Variants in DBX2 observed in about 807,000 individuals in gnomAD.
DBX2 encodes the protein homeobox protein DBX2.
A neutral mutation model predicts 17.7 loss-of-function variants in DBX2; 16 were observed. The ratio of observed to expected loss-of-function variants is 0.90; its 90% CI spans 0.61 to 1.37. The LOEUF is 1.37. DBX2 is among the 40% of genes most tolerant of loss of function. The pLI is 0.00. For synonymous variants in DBX2, 255 were observed against 183.8 expected, an observed-to-expected ratio of 1.39 and a Z score of -3.13; for missense variants, 538 against 433.8, an observed-to-expected ratio of 1.24 and a Z score of -2.13.
chr12:45,018,272 TTTG>T (rs1316440534), intron 3 of DBX2, among the ~76,000 whole-genome samples: 6 of 152,200 alleles, frequency 3.9e-5, no homozygotes, highest in African/African-American at 1.4e-4. Flanking sequence ...TGTCATCACA[TTTG>T]TTATTTCCTC....
At chr12:45,035,799 T>TC (rs1483528475) in intron 2 of DBX2, among the ~76,000 whole-genome samples, 1 of 152,160 alleles carries the variant, frequency 6.6e-6, no homozygotes, top group Non-Finnish European at 1.5e-5. Flanking sequence ...CGGTGATGTG[T>TC]CGGCCCTGGG....
At chr12:45,045,233 G>T (rs368691487) in intron 1 of DBX2, among the ~76,000 whole-genome samples, 1 of 152,074 alleles carries the variant, frequency 6.6e-6, no homozygotes, top group South Asian at 2.1e-4. Context: ...TATATATAAA[G>T]AAAAACTACT....
chr12:45,047,664 C>T (rs1212675181), intron 1 of DBX2, among the ~76,000 whole-genome samples: 4 of 152,214 alleles, frequency 2.6e-5, no homozygotes, highest in South Asian at 4.1e-4. Flanking sequence ...CCATTATGGG[C>T]TGAGGGGCAA....
chr12:45,034,461 C>A (rs555519947), intron 2 of DBX2, among the ~76,000 whole-genome samples: 2 of 152,190 alleles, frequency 1.3e-5, no homozygotes, highest in Non-Finnish European at 2.9e-5. Flanking sequence ...TCACAGGAGA[C>A]CACCTTGAAG....
intron 2 of DBX2, among the ~76,000 whole-genome samples, chr12:45,028,961 C>T (rs1052809272): frequency 2.6e-5 from 4 of 152,188 alleles, no homozygotes; most frequent in African/African-American, 9.7e-5. Context: ...ACCATTGATG[C>T]TCCTTCCCAT....
chr12:45,050,236 G>A (rs1052476057), intron 1 of DBX2, among the ~76,000 whole-genome samples: 1 of 152,292 alleles, frequency 6.6e-6, no homozygotes. Context: ...GAGTTTCCCA[G>A]TTAAGGCCAA....
At chr12:45,042,785 T>C (rs186236283) in intron 1 of DBX2, among the ~76,000 whole-genome samples, 1 of 152,162 alleles carries the variant, frequency 6.6e-6, no homozygotes, top group Non-Finnish European at 1.5e-5. Flanking sequence ...CAACAGGTGA[T>C]GACAAGCATT....
In DBX2 at chr12:45,031,225, T is replaced by TGAGA. The variant is rs72031074; in HGVS notation, c.499+4790_499+4793dup. 5.3e-3 allele frequency among the ~76,000 whole-genome samples: 451 copies of TGAGA among 85,584 alleles called. 1 individual carries two copies. Among genetic ancestry groups the TGAGA allele is most frequent in the Middle Eastern group, 0.015 (2 of 132 alleles). 56.1% of individuals were successfully genotyped at this position (85,584 alleles called of 152,430 possible). A position where few individuals can be genotyped will look rare whatever the true frequency, so the allele number is the denominator to read the frequency against. On this transcript the variant is annotated intron_variant, in intron 2 of 3. Coordinates refer to ENST00000332700, the MANE Select transcript of DBX2 (RefSeq NM_001004329.3). The stretch of plus-strand genomic sequence containing the variant: ...GTGTGTGTGTGTGTGTGTGTGTGTG[T>TGAGA]GAGAGAGAGAGAGAGAGAGAGAGAG...
intron 2 of DBX2, among the ~76,000 whole-genome samples, chr12:45,028,183 G>C (rs1946391280): frequency 6.6e-6 from 1 of 152,194 alleles, no homozygotes; most frequent in Admixed American, 6.5e-5. Context: ...CTGGATTGCA[G>C]GGTATGACTG....
At chr12:45,044,128 A>G (rs1279944924) in intron 1 of DBX2, among the ~76,000 whole-genome samples, 5 of 152,218 alleles carry the variant, frequency 3.3e-5, no homozygotes, top group Admixed American at 3.3e-4. Context: ...ATGCTTTGTG[A>G]GCTACACAGT....
chr12:45,017,236 T>C (rs1300799027), intron 3 of DBX2, among the ~76,000 whole-genome samples: 1 of 152,240 alleles, frequency 6.6e-6, no homozygotes, highest in Non-Finnish European at 1.5e-5. Flanking sequence ...AATTATTTAT[T>C]CAAAGGAAAT....
chr12:45,020,692 C>T (rs10689542), intron 3 of DBX2, among the ~76,000 whole-genome samples: 1,693 of 92,744 alleles, frequency 0.018, 28 homozygotes, highest in African/African-American at 0.057. Context: ...TATATATATA[C>T]ACACACACAC....
chr12:45,050,847 A>G lies in DBX2; in HGVS notation c.81T>C (p.Ala27=). The G allele has an allele frequency of 6.5e-7, 1 of 1,537,646 alleles. No individual in the cohort carries two copies. ...TGCCCAGGTTGCCAAAGCCGGGCGC[A>G]GCGGGGAGGTTGAGGAGCGCGGAGG... The part of the protein sequence containing the change: ...VASSALLNLP[A]APGFGNLGKS... Residue 27 remains alanine, a synonymous_variant, in exon 1 of 4, where the codon GCT becomes GCC. Coordinates refer to ENST00000332700, the MANE Select transcript of DBX2 (RefSeq NM_001004329.3).
rs1486666945 is a variant in DBX2, at chr12:45,016,168, A to C, written c.*118T>G. On this transcript the variant is annotated 3_prime_UTR_variant, in exon 4 of 4. Transcript: ENST00000332700. ...AGTGGGTTTCCTAAAGCATTAGTTC[A>C]TACATCGCTCCAAAGTTGTTAGGCT... is the stretch of plus-strand genomic sequence containing the variant. The C allele has an allele frequency of 3.6e-6, 4 of 1,120,020 alleles. No homozygotes were observed. The highest frequency in any genetic ancestry group is 4.9e-6 in the Non-Finnish European group (4 of 813,076). 69.4% of individuals were successfully genotyped at this position (1,120,020 alleles called of 1,614,324 possible).
At chr12:45,043,138 G>A (rs892265559) in intron 1 of DBX2, among the ~76,000 whole-genome samples, 3 of 152,196 alleles carry the variant, frequency 2.0e-5, no homozygotes, top group Admixed American at 6.5e-5. Flanking sequence ...AGCAGGAAGT[G>A]TATCTGATAT....
chr12:45,047,990 T>C (rs1768577614), intron 1 of DBX2, among the ~76,000 whole-genome samples: 1 of 152,126 alleles, frequency 6.6e-6, no homozygotes, highest in African/African-American at 2.4e-5. Context: ...ATGTAAGCTC[T>C]ACAAGGGCCG....
chr12:45,050,772 G>C lies in DBX2; in HGVS notation c.156C>G (p.Pro52=). Residue 52 remains proline (P), a synonymous_variant, in exon 1 of 4, where the codon CCC becomes CCG. Transcript: ENST00000332700. ...NLLRVGGAPT[P]RLQPPAPHDP... ...CGTGGGGCGCGGGCGGCTGCAGCCT[G>C]GGCGTTGGGGCGCCCCCGACCCGCA... The C allele has an allele frequency of 2.0e-6, 3 of 1,512,812 alleles. No homozygotes were observed. The highest frequency in any genetic ancestry group is 1.8e-6 in the Non-Finnish European group (2 of 1,131,836). 93.7% of individuals were successfully genotyped at this position (1,512,812 alleles called of 1,614,324 possible).
Position 45,016,533 on chromosome 12 carries a change from A to G in DBX2, c.773T>C (p.Val258Ala). The G allele has an allele frequency of 6.2e-7, 1 of 1,608,790 alleles. No individual in the cohort carries two copies. The highest frequency in any genetic ancestry group is 8.5e-7 in the Non-Finnish European group (1 of 1,178,216). ...EVLSNRCIQE[V>A]GLQEDPLSRS... ...TGAGAGGGGATCCTCTTGAAGACCT[A>G]CTTCTTGGATACACCTGTTGGAAAG... The change falls in exon 4 of 4, where the codon GTA becomes GCA. Residue 258 changes from valine to alanine, a missense_variant. Physicochemically the swap from Val to Ala is moderately conservative, Grantham distance 64. Coordinates refer to ENST00000332700, the MANE Select transcript of DBX2 (RefSeq NM_001004329.3).
intron 2 of DBX2, among the ~76,000 whole-genome samples, chr12:45,029,047 T>A (rs1946395679): frequency 1.3e-5 from 2 of 152,236 alleles, no homozygotes; most frequent in Non-Finnish European, 2.9e-5. Flanking sequence ...ACCATTTTCA[T>A]ACCTTCTAAA....
Sources: allele counts gnomAD v4.1 joint callset (sites outside exome capture counted in the v4.1 genomes callset), GRCh38; gene constraint gnomAD v4.1.1; transcripts MANE v1.5; gene names NCBI Gene and HGNC (gene_info 2026-07-23, HGNC 2026-07-21).